Variants in MUC21 observed in about 807,000 individuals in gnomAD.
The protein encoded by MUC21 is mucin 21, cell surface associated, also known as mucin-21.
MUC21 carries 8 observed loss-of-function variants against 9.1 expected under a neutral mutation model. The ratio of observed to expected loss-of-function variants is 0.88; its 90% CI spans 0.52 to 1.59. The LOEUF (loss-of-function observed/expected upper bound fraction) is 1.59. Ranked by LOEUF, MUC21 falls within the 40% of genes most tolerant of loss-of-function variation. The pLI, the probability that MUC21 is intolerant of heterozygous loss-of-function variation, is 0.00. For synonymous variants in MUC21, 189 were observed against 275.2 expected, an observed-to-expected ratio of 0.69 and a Z score of 3.10; for missense variants, 478 against 694.2, an observed-to-expected ratio of 0.69 and a Z score of 3.50.
At position 30,989,120 on chromosome 6, in the gene MUC21, G is replaced by A. The variant is rs901863044; in HGVS notation, c.*926G>A. ...GTTGCTTTGAGCCCACAAGGTAATG[G>A]AGGGCTCCTACTTGGGACAGAGCCC... On this transcript the variant is annotated 3_prime_UTR_variant, in exon 3 of 3. Transcript: ENST00000376296. The A allele has an allele frequency of 2.0e-5, 3 of 150,620 alleles. No homozygotes were observed. Among genetic ancestry groups the A allele is most frequent in the African/African-American group, 7.3e-5 (3 of 41,326 alleles). 9.3% of individuals were successfully genotyped at this position (150,620 alleles called of 1,614,324 possible). A position where few individuals can be genotyped will look rare whatever the true frequency, so the allele number is the denominator to read the frequency against.
At chr6:30,987,913 A>G in intron 2 of MUC21, 87 bp from the exon 3 acceptor site, 1 of 1,018,946 alleles carries the variant, frequency 9.8e-7, no homozygotes, top group Non-Finnish European at 1.5e-6. Context: ...TGTGGTTGGA[A>G]GTGGGAGAAG....
chr6:30,985,124 A>G (rs1229123103), intron 1 of MUC21, among the ~76,000 whole-genome samples: 1 of 152,016 alleles, frequency 6.6e-6, no homozygotes, highest in Non-Finnish European at 1.5e-5. Context: ...CAGGCTGGGG[A>G]GGTTGAATGT....
chr6:30,988,616 A>G lies in MUC21; in HGVS notation c.*422A>G, dbSNP rs1430606910. 6.1e-6 allele frequency: 1 copy of G among 163,720 alleles called. No homozygotes were observed. Among genetic ancestry groups the G allele is most frequent in the East Asian group, 1.8e-4 (1 of 5,614 alleles). 10.1% of individuals were successfully genotyped at this position (163,720 alleles called of 1,614,324 possible). A position where few individuals can be genotyped will look rare whatever the true frequency, so the allele number is the denominator to read the frequency against. On this transcript the variant is annotated 3_prime_UTR_variant, in exon 3 of 3. Coordinates refer to ENST00000376296, the MANE Select transcript of MUC21 (RefSeq NM_001010909.5). Reference sequence around the variant, plus strand: ...GGCAAGGTCCCTGTATCTCTGAGACACCCCGATTGGCTGGAGAATTGACTT... The same window carrying G: ...GGCAAGGTCCCTGTATCTCTGAGACGCCCCGATTGGCTGGAGAATTGACTT...
At position 30,987,537 on chromosome 6, in the gene MUC21, A is replaced by C; in HGVS notation, c.1362A>C (p.Gly454=). Residue 454 remains glycine (G), a synonymous_variant, in exon 2 of 3, where the codon GGA becomes GGC. Coordinates refer to ENST00000376296, the MANE Select transcript of MUC21 (RefSeq NM_001010909.5). ...SAGSGTAALT[G]MHTTSHSAST... is the part of the protein sequence containing the mutation. ...GCTCTGGAACAGCAGCTCTGACTGG[A>C]ATGCACACAACTTCCCATAGTGCAT... is the stretch of plus-strand genomic sequence containing the variant. 1 of 1,614,272 alleles carries C rather than the reference A, an allele frequency of 6.2e-7. No individual in the cohort carries two copies. Among genetic ancestry groups the C allele is most frequent in the South Asian group, 1.1e-5 (1 of 91,086 alleles).
rs55971434 is a variant in MUC21 at position 30,987,188 on chromosome 6, C to T, written c.1013C>T (p.Thr338Ile). Residue 338 changes from threonine to isoleucine, a missense_variant, in exon 2 of 3, where the codon ACC becomes ATC. By Grantham distance (89) the Thr-to-Ile change is moderately conservative. Transcript: ENST00000376296. Reference protein sequence around the residue: ...STATNSESSTTSSGASTATNS... With the variant: ...STATNSESSTISSGASTATNS... ...GCCACCAACTCTGAGTCCAGCACGA[C>T]CTCCAGTGGGGCCAGCACAGCCACC... is the stretch of plus-strand genomic sequence containing the variant. 101 of 1,599,988 alleles carry T rather than the reference C, an allele frequency of 6.3e-5. No individual in the cohort carries two copies. Among genetic ancestry groups the T allele is most frequent in the Non-Finnish European group, 8.6e-5 (101 of 1,172,552 alleles).
chr6:30,987,687 T>C lies in MUC21; in HGVS notation c.1506+6T>C, dbSNP rs1341867304. 1.2e-6 allele frequency: 2 copies of C among 1,609,342 alleles called. No individual in the cohort carries two copies. The highest frequency in any genetic ancestry group is 2.7e-5 in the African/African-American group (2 of 74,632). ...CTGGGCTCTTCTTCTGTGTGGTGAG[T>C]GCCTAATATGTAAGAAAATGCCTGG... On this transcript the variant is annotated splice_donor_region_variant and intron_variant, in intron 2 of 2. Coordinates refer to ENST00000376296, the MANE Select transcript of MUC21 (RefSeq NM_001010909.5).
Position 30,987,180 on chromosome 6 carries a change from C to G in MUC21, c.1005C>G (p.Ser335=), listed in dbSNP as rs779599163. The change falls in exon 2 of 3, where the codon TCC becomes TCG. Residue 335 remains serine, a synonymous_variant. Coordinates refer to ENST00000376296, the MANE Select transcript of MUC21 (RefSeq NM_001010909.5). ...CCAGCACAGCCACCAACTCTGAGTC[C>G]AGCACGACCTCCAGTGGGGCCAGCA... is the stretch of plus-strand genomic sequence containing the variant. ...SGASTATNSE[S]STTSSGASTA... 1 of 1,601,814 alleles carries G rather than the reference C, an allele frequency of 6.2e-7. No individual in the cohort carries two copies. Among genetic ancestry groups the G allele is most frequent in the Non-Finnish European group, 8.5e-7 (1 of 1,172,638 alleles).
intron 1 of MUC21, among the ~76,000 whole-genome samples, chr6:30,985,384 C>T (rs2150683409): frequency 6.6e-6 from 1 of 152,254 alleles, no homozygotes; most frequent in South Asian, 2.1e-4. Flanking sequence ...CTCCTGGGCC[C>T]CATCTCAAAT....
chr6:30,986,213 T>TA, intron 1 of MUC21, 24 bp from the exon 2 acceptor site: 1 of 1,583,246 alleles, frequency 6.3e-7, no homozygotes. Flanking sequence ...ACAATATATA[T>TA]TTGTCATTAT....
intron 1 of MUC21, chr6:30,984,290 T>A (rs971194734): frequency 1.5e-4 from 60 of 389,172 alleles, no homozygotes; most frequent in African/African-American, 1.0e-3. Flanking sequence ...TGCGCCTCGA[T>A]TTCTGCATCT....
intron 1 of MUC21, among the ~76,000 whole-genome samples, chr6:30,985,143 T>C (rs935725922): frequency 1.3e-5 from 2 of 152,170 alleles, no homozygotes; most frequent in African/African-American, 4.8e-5. Context: ...GTCTTCATCC[T>C]TCTGGGAAAT....
rs1762476908 is a variant in MUC21, at chr6:30,988,276, A to G, written c.*82A>G. ...GACCTGGTTTCCTTTCATTCATCCC[A>G]GGAGACCCCTCCCAGCTTTGTTTGA... On this transcript the variant is annotated 3_prime_UTR_variant, in exon 3 of 3. Transcript: ENST00000376296. 4 of 1,317,298 alleles carry G rather than the reference A, an allele frequency of 3.0e-6. No individual in the cohort carries two copies. Among genetic ancestry groups the G allele is most frequent in the Non-Finnish European group, 4.1e-6 (4 of 973,216 alleles). The allele number at this position is 1,317,298 out of a possible 1,614,324, so 81.6% of individuals were successfully genotyped here. A position where few individuals can be genotyped will look rare whatever the true frequency, so the allele number is the denominator to read the frequency against.
chr6:30,986,018 G>A (rs931254056), intron 1 of MUC21, among the ~76,000 whole-genome samples: 1 of 152,116 alleles, frequency 6.6e-6, no homozygotes, highest in Non-Finnish European at 1.5e-5. Context: ...GCCCACCTTG[G>A]CCTCCCAAAG....
intron 1 of MUC21, 48 bp from the exon 2 acceptor site, chr6:30,986,189 G>C (rs766014217): frequency 3.4e-6 from 5 of 1,491,082 alleles, no homozygotes; most frequent in Non-Finnish European, 4.6e-6. Flanking sequence ...GCAATAAGCA[G>C]AAAGTATATA....
intron 1 of MUC21, among the ~76,000 whole-genome samples, chr6:30,984,743 G>A (rs1762177110): frequency 6.6e-6 from 1 of 152,072 alleles, no homozygotes; most frequent in African/African-American, 2.4e-5. Context: ...GGGAGGCCAA[G>A]GCGGGTGGAT....
chr6:30,986,946 C>G lies in MUC21; in HGVS notation c.771C>G (p.Asn257Lys). The G allele has an allele frequency of 6.4e-7, 1 of 1,564,488 alleles. No individual in the cohort carries two copies. The highest frequency in any genetic ancestry group is 1.4e-5 in the African/African-American group (1 of 71,814). The change falls in exon 2 of 3, where the codon AAC becomes AAG. Residue 257 changes from asparagine to lysine, a missense_variant. By Grantham distance (94) the Asn-to-Lys change is moderately conservative. Around this residue, in one of 5 missense-constraint regions of MUC21, gnomAD observed 155 missense variants for 235.2 expected, o/e 0.66. Coordinates refer to ENST00000376296, the MANE Select transcript of MUC21 (RefSeq NM_001010909.5). ...CCAGTGGGGCCGGCACAGCCACCAA[C>G]TCTGAGTCCAGCACGACCTCCAGTG... ...TPSSGAGTAT[N>K]SESSTTSSGA...
At position 30,987,109 on chromosome 6, in the gene MUC21, G is replaced by C; in HGVS notation, c.934G>C (p.Ala312Pro). The C allele has an allele frequency of 6.4e-7, 1 of 1,568,330 alleles. No individual in the cohort carries two copies. The highest frequency in any genetic ancestry group is 8.7e-7 in the Non-Finnish European group (1 of 1,152,462). ...TGAGTCCAGTACGACCTCCAGTGGG[G>C]CCAACACAGCCACCAACTCTGACTC... is the stretch of plus-strand genomic sequence containing the variant. ...NSESSTTSSG[A>P]NTATNSDSST... is the part of the protein sequence containing the mutation. The change falls in exon 2 of 3, where the codon GCC becomes CCC. Residue 312 changes from alanine to proline, a missense_variant. Coordinates refer to ENST00000376296, the MANE Select transcript of MUC21 (RefSeq NM_001010909.5).
intron 1 of MUC21, 112 bp from the exon 2 acceptor site, chr6:30,986,125 A>T: frequency 1.1e-6 from 1 of 937,964 alleles, no homozygotes; most frequent in Non-Finnish European, 1.6e-6. Flanking sequence ...AATAGCATCT[A>T]TGTTATAGCA....
intron 1 of MUC21, among the ~76,000 whole-genome samples, chr6:30,984,996 C>A (rs1346184168): frequency 2.1e-5 from 3 of 142,814 alleles, no homozygotes; most frequent in Non-Finnish European, 4.5e-5. Context: ...AATAAATAAG[C>A]AATAAAATAA....
Sources: gnomAD v4.1 joint callset for allele counts (sites outside exome capture counted in the v4.1 genomes callset) on GRCh38, gnomAD v4.1.1 for gene constraint, gnomAD v4.1.1 regional missense constraint, MANE v1.5 for transcripts, NCBI Gene and HGNC (gene_info 2026-07-23, HGNC 2026-07-21) for gene names.